EPHA6: variants seen among roughly 807,000 people sequenced by gnomAD.
EPHA6 encodes the protein ephrin type-A receptor 6.
A neutral mutation model predicts 112.0 loss-of-function variants in EPHA6; 50 were observed. That is an observed-to-expected ratio of 0.45 (90% CI 0.36 to 0.56). The LOEUF is 0.56. Ranked by LOEUF, EPHA6 falls within the 20% of genes least tolerant of loss-of-function variation. The probability of loss-of-function intolerance (pLI) is 0.00; values close to 1 mark genes in which losing one functional copy is unlikely to be tolerated. For synonymous variants in EPHA6, 529 were observed against 490.7 expected (o/e 1.08, Z -1.03); for missense variants, 1,280 against 1,417.4 (o/e 0.90, Z 1.56).
intron 14 of EPHA6, among the ~76,000 whole-genome samples, chr3:97,677,273 A>G (rs1370924329): frequency 1.3e-5 from 2 of 152,184 alleles, no homozygotes; most frequent in African/African-American, 2.4e-5. Context: ...TGAAATGATA[A>G]TATTTAAATA....
chr3:97,484,489 AT>A (rs2091648915), intron 10 of EPHA6, among the ~76,000 whole-genome samples: 1 of 152,308 alleles, frequency 6.6e-6, no homozygotes, highest in Admixed American at 6.5e-5. Context: ...GTTTTAGGTC[AT>A]TTTAATGCAA....
chr3:96,826,259 A>C (rs986270381), intron 1 of EPHA6, among the ~76,000 whole-genome samples: 1 of 151,974 alleles, frequency 6.6e-6, no homozygotes, highest in Admixed American at 6.6e-5. Context: ...GACTTTACTG[A>C]ATTGGACATA....
intron 2 of EPHA6, among the ~76,000 whole-genome samples, chr3:96,972,213 A>G (rs1295991245): frequency 6.6e-6 from 1 of 152,090 alleles, no homozygotes; most frequent in African/African-American, 2.4e-5. Flanking sequence ...TACTATAAAT[A>G]CATTTTGAAG....
intron 3 of EPHA6, among the ~76,000 whole-genome samples, chr3:97,116,822 C>T (rs928377265): frequency 2.6e-5 from 4 of 151,608 alleles, no homozygotes; most frequent in East Asian, 1.9e-4. Flanking sequence ...CTTGGACATA[C>T]GGATATTATT....
At chr3:97,221,598 C>T (rs1257525272) in intron 3 of EPHA6, among the ~76,000 whole-genome samples, 1 of 152,052 alleles carries the variant, frequency 6.6e-6, no homozygotes, top group Non-Finnish European at 1.5e-5. Flanking sequence ...GACATGAGTA[C>T]TGATACCCCA....
chr3:97,302,889 T>G (rs546369248), intron 5 of EPHA6, among the ~76,000 whole-genome samples: 1 of 151,398 alleles, frequency 6.6e-6, no homozygotes, highest in South Asian at 2.1e-4. Flanking sequence ...AGTATAGCTT[T>G]TTTCTGCTAT....
chr3:97,656,020 G>A, intron 14 of EPHA6, among the ~76,000 whole-genome samples: 1 of 151,662 alleles, frequency 6.6e-6, no homozygotes, highest in Non-Finnish European at 1.5e-5. Context: ...TTATTCTACA[G>A]TGAGTATTGT....
intron 3 of EPHA6, among the ~76,000 whole-genome samples, chr3:97,166,658 A>T (rs543793467): frequency 3.3e-5 from 5 of 152,202 alleles, no homozygotes; most frequent in Admixed American, 6.6e-5. Flanking sequence ...ATAACTCCAA[A>T]GGCCCCACAT....
intron 3 of EPHA6, among the ~76,000 whole-genome samples, chr3:97,022,489 C>T (rs2107985088): frequency 6.6e-6 from 1 of 152,314 alleles, no homozygotes; most frequent in South Asian, 2.1e-4. Context: ...GTGATGACAG[C>T]TCTTATAGCT....
intron 5 of EPHA6, among the ~76,000 whole-genome samples, chr3:97,285,465 A>G (rs2080433541): frequency 1.3e-5 from 2 of 152,126 alleles, no homozygotes; most frequent in South Asian, 4.1e-4. Context: ...ATGAGTGAGA[A>G]CATGCAATAC....
chr3:96,985,207 A>G (rs1299139835), intron 2 of EPHA6, among the ~76,000 whole-genome samples: 1 of 152,098 alleles, frequency 6.6e-6, no homozygotes, highest in African/African-American at 2.4e-5. Context: ...CCCGGAATAT[A>G]ATTCTTTACT....
At chr3:97,461,858 G>C (rs921314910) in intron 7 of EPHA6, among the ~76,000 whole-genome samples, 6 of 152,140 alleles carry the variant, frequency 3.9e-5, no homozygotes, top group Admixed American at 1.3e-4. Context: ...TTTGACTTCT[G>C]AGATACCAAA....
chr3:97,444,501 A>G (rs1199924375), intron 6 of EPHA6, among the ~76,000 whole-genome samples: 1 of 152,188 alleles, frequency 6.6e-6, no homozygotes, highest in African/African-American at 2.4e-5. Context: ...TACACCTAAC[A>G]AAGTGTTCTA....
chr3:97,295,907 G>A (rs1450268607), intron 5 of EPHA6, among the ~76,000 whole-genome samples: 1 of 152,172 alleles, frequency 6.6e-6, no homozygotes, highest in Non-Finnish European at 1.5e-5. Context: ...AGGCCCCAGT[G>A]GTGGCAGCAG....
At chr3:97,151,805 G>A (rs1278594145) in intron 3 of EPHA6, among the ~76,000 whole-genome samples, 1 of 151,486 alleles carries the variant, frequency 6.6e-6, no homozygotes, top group Non-Finnish European at 1.5e-5. Flanking sequence ...CTAACTTTGT[G>A]GCATCATGAA....
chr3:96,949,942 T>G (rs1442123143), intron 2 of EPHA6, among the ~76,000 whole-genome samples: 2 of 152,188 alleles, frequency 1.3e-5, no homozygotes, highest in Non-Finnish European at 2.9e-5. Context: ...AAACCTTTTG[T>G]GTTCACAAGT....
intron 5 of EPHA6, among the ~76,000 whole-genome samples, chr3:97,245,032 A>G (rs2078948055): frequency 1.3e-5 from 2 of 152,040 alleles, no homozygotes; most frequent in Non-Finnish European, 2.9e-5. Flanking sequence ...TTCATAAATT[A>G]TATGGGCACA....
At chr3:97,096,013 C>G (rs573972367) in intron 3 of EPHA6, among the ~76,000 whole-genome samples, 1 of 151,854 alleles carries the variant, frequency 6.6e-6, no homozygotes, top group East Asian at 1.9e-4. Context: ...AGTTTAAGAA[C>G]CCTGTCCTAG....
At chr3:96,847,140 A>G (rs1463762657) in intron 1 of EPHA6, among the ~76,000 whole-genome samples, 2 of 152,018 alleles carry the variant, frequency 1.3e-5, no homozygotes, top group Non-Finnish European at 2.9e-5. Flanking sequence ...GTGAAAGTCT[A>G]TTTATTTTTG....
Sources: allele counts gnomAD v4.1 joint callset (sites outside exome capture counted in the v4.1 genomes callset), GRCh38; gene constraint gnomAD v4.1.1; transcripts MANE v1.5; gene names NCBI Gene and HGNC (gene_info 2026-07-23, HGNC 2026-07-21).